The following GIN1 variants were observed in gnomAD, a reference collection of about 807,000 sequenced individuals.
GIN1 encodes the protein gypsy retrotransposon integrase-like protein 1.
GIN1 carries 41 observed loss-of-function variants against 51.4 expected under a neutral mutation model. The observed-to-expected ratio is 0.80, with a 90% confidence interval of 0.62 to 1.04. GIN1 has a LOEUF of 1.04. GIN1 is among the 50% of genes least tolerant of loss of function. The pLI is 0.00. For missense variants in GIN1, 610 were observed against 612.4 expected (o/e 1.00, Z 0.04); for synonymous variants, 222 against 206.5 (o/e 1.07, Z -0.64).
rs1554196872 is a variant in GIN1, at chr5:103,111,044, T to TAAAA, written c.-7-2331_-7-2330insTTTT. The stretch of plus-strand genomic sequence containing the variant: ...CACTCTCTCCTCTGCCAGGACTCCA[T>TAAAA]GGCAAACTTTTACTTCCTAATCAAT... On this transcript the variant is annotated intron_variant, in intron 1 of 7. Coordinates refer to ENST00000399004, the MANE Select transcript of GIN1 (RefSeq NM_017676.2). 1.6e-3 allele frequency among the ~76,000 whole-genome samples: 251 copies of TAAAA among 152,290 alleles called. 1 individual carries two copies. The highest frequency in any genetic ancestry group is 5.8e-3 in the African/African-American group (240 of 41,564).
At chr5:103,109,911 A>G (rs1169469590) in intron 1 of GIN1, among the ~76,000 whole-genome samples, 1 of 152,166 alleles carries the variant, frequency 6.6e-6, no homozygotes, top group Non-Finnish European at 1.5e-5. Flanking sequence ...CTGTAATTGA[A>G]CAAGGAGTAC....
intron 7 of GIN1, among the ~76,000 whole-genome samples, chr5:103,090,786 C>T (rs920662231): frequency 2.6e-5 from 4 of 152,170 alleles, no homozygotes; most frequent in Admixed American, 1.3e-4. Flanking sequence ...GAAATGGATT[C>T]AGAGACCTTG....
At chr5:103,098,548 A>T (rs1554195411) in intron 4 of GIN1, among the ~76,000 whole-genome samples, 10 of 152,002 alleles carry the variant, frequency 6.6e-5, no homozygotes. Flanking sequence ...AGCCTGCACT[A>T]CCTGGGTTCA....
chr5:103,101,503 T>C (rs1050726259), intron 4 of GIN1, among the ~76,000 whole-genome samples: 2 of 152,240 alleles, frequency 1.3e-5, no homozygotes, highest in African/African-American at 4.8e-5. Flanking sequence ...ATTCATCTCA[T>C]TGATGTGTCT....
Position 103,096,817 on chromosome 5 carries a change from T to G in GIN1, c.1018A>C (p.Asn340His). Residue 340 changes from asparagine (N) to histidine (H), a missense_variant, in exon 7 of 8, where the codon AAC becomes CAC. By Grantham distance (68) the Asn-to-His change is moderately conservative (BLOSUM62 1). Transcript: ENST00000399004. ...CTTTTATTTAGTTCATCCAAATTGTTGTTCTCCATCTACAAGTGTAAAAAG... is the reference window on the plus strand; with the variant it reads ...CTTTTATTTAGTTCATCCAAATTGTGGTTCTCCATCTACAAGTGTAAAAAG... ...KTTSLGQMEN[N>H]NLDELNKSKI... 2 of 1,586,032 alleles carry G rather than the reference T, an allele frequency of 1.3e-6. No individual in the cohort carries two copies. The highest frequency in any genetic ancestry group is 8.6e-7 in the Non-Finnish European group (1 of 1,156,238).
In GIN1 at chr5:103,097,635, A is replaced by T. The variant is rs782259917; in HGVS notation, c.786T>A (p.Asp262Glu). 6.2e-7 allele frequency: 1 copy of T among 1,612,420 alleles called. No individual in the cohort carries two copies. The highest frequency in any genetic ancestry group is 8.5e-7 in the Non-Finnish European group (1 of 1,178,596). ...CAAATGAAACAGCTGATAGGTGATC[A>T]TCCCAATTGTTTGGGTGGTCAGCAC... ...KHCADHPNNW[D>E]DHLSAVSFAF... The change falls in exon 5 of 8, where the codon GAT (aspartate) becomes GAA (glutamate). Residue 262 changes from aspartate (D) to glutamate (E), a missense_variant. Asp to Glu is a conservative substitution (Grantham distance 45). Coordinates refer to ENST00000399004, the MANE Select transcript of GIN1 (RefSeq NM_017676.2).
intron 7 of GIN1, among the ~76,000 whole-genome samples, chr5:103,092,779 C>G (rs975330337): frequency 1.3e-5 from 2 of 151,318 alleles, no homozygotes; most frequent in Non-Finnish European, 2.9e-5. Flanking sequence ...GACCCTGTCT[C>G]TATAAAAAAC....
chr5:103,106,815 A>C lies in GIN1; in HGVS notation c.234T>G (p.His78Gln), dbSNP rs1554196329. 6.2e-7 allele frequency: 1 copy of C among 1,603,636 alleles called. No homozygotes were observed. Among genetic ancestry groups the C allele is most frequent in the Admixed American group, 1.7e-5 (1 of 59,250 alleles). Reference protein sequence around the residue: ...EEKKKVLRECHENDSGAHHGI... With the variant: ...EEKKKVLRECQENDSGAHHGI... ...CATGATGAGCTCCACTGTCATTTTC[A>C]TGGCATTCTCTTAAGACTTTCTTTT... is the stretch of plus-strand genomic sequence containing the variant. The change falls in exon 3 of 8, where the codon CAT becomes CAG. Residue 78 changes from histidine (H) to glutamine (Q), a missense_variant. By Grantham distance (24) the His-to-Gln change is conservative (BLOSUM62 0). Coordinates refer to ENST00000399004, the MANE Select transcript of GIN1 (RefSeq NM_017676.2).
At position 103,104,557 on chromosome 5, in the gene GIN1, T is replaced by A; in HGVS notation, c.623A>T (p.Asp208Val). The A allele has an allele frequency of 6.6e-7, 1 of 1,513,952 alleles. No individual in the cohort carries two copies. Among genetic ancestry groups the A allele is most frequent in the Non-Finnish European group, 9.1e-7 (1 of 1,094,166 alleles). The allele number at this position is 1,513,952 out of a possible 1,614,324, so 93.8% of individuals were successfully genotyped here. A position where few individuals can be genotyped will look rare whatever the true frequency, so the allele number is the denominator to read the frequency against. ...TTGTCTTACCTGTTGAATGAATTCA[T>A]CTCTTTGGTCCATTATTATTTTCTG... ...PPQKIIMDQR[D>V]EFIQQINIEL... is the part of the protein sequence containing the mutation. Residue 208 changes from aspartate to valine, a missense_variant, in exon 4 of 8, where the codon GAT becomes GTT. Coordinates refer to ENST00000399004, the MANE Select transcript of GIN1 (RefSeq NM_017676.2).
Position 103,086,113 on chromosome 5 carries a change from C to T in GIN1, c.*1785G>A, listed in dbSNP as rs1377038890. 2.0e-5 allele frequency: 3 copies of T among 152,142 alleles called. No individual in the cohort carries two copies. The highest frequency in any genetic ancestry group is 4.4e-5 in the Non-Finnish European group (3 of 68,032). 9.4% of individuals were successfully genotyped at this position (152,142 alleles called of 1,614,324 possible). A position where few individuals can be genotyped will look rare whatever the true frequency, so the allele number is the denominator to read the frequency against. Reference sequence around the variant, plus strand: ...GAGGAAAAATGTATTCAATGCCTCTCCCCTAACTTCTGGTAGTTTTCTGGC... The same window carrying T: ...GAGGAAAAATGTATTCAATGCCTCTTCCCTAACTTCTGGTAGTTTTCTGGC... On this transcript the variant is annotated 3_prime_UTR_variant, in exon 8 of 8. Coordinates refer to ENST00000399004, the MANE Select transcript of GIN1 (RefSeq NM_017676.2).
chr5:103,087,272 G>T lies in GIN1; in HGVS notation c.*626C>A, dbSNP rs550154720. 1 of 152,228 alleles carries T rather than the reference G, an allele frequency of 6.6e-6. No individual in the cohort carries two copies. The highest frequency in any genetic ancestry group is 1.9e-4 in the East Asian group (1 of 5,170). 9.4% of individuals were successfully genotyped at this position (152,228 alleles called of 1,614,324 possible). ...ATTACAGGTGTGGGCCACCATGCCTGGTCGATGGTTTTATCTTTAATATAT... is the reference window on the plus strand; with the variant it reads ...ATTACAGGTGTGGGCCACCATGCCTTGTCGATGGTTTTATCTTTAATATAT... On this transcript the variant is annotated 3_prime_UTR_variant, in exon 8 of 8. Coordinates refer to ENST00000399004, the MANE Select transcript of GIN1 (RefSeq NM_017676.2).
At position 103,088,060 on chromosome 5, in the gene GIN1, A is replaced by G; in HGVS notation, c.1407T>C (p.Ile469=). Residue 469 remains isoleucine (I), a synonymous_variant, in exon 8 of 8, where the codon ATT becomes ATC. Transcript: ENST00000399004. ...TCAGTAATTCATTATCGACTATACC[A>G]ATAGTTGCATCTTCCACCAGAATAT... ...QANILVEDAT[I]GIVDNELLTS... is the part of the protein sequence containing the mutation. 6.2e-7 allele frequency: 1 copy of G among 1,609,692 alleles called. No individual in the cohort carries two copies. The highest frequency in any genetic ancestry group is 8.5e-7 in the Non-Finnish European group (1 of 1,176,168).
At position 103,106,792 on chromosome 5, in the gene GIN1, T is replaced by C. The variant is rs782071171; in HGVS notation, c.257A>G (p.His86Arg). 1.9e-6 allele frequency: 3 copies of C among 1,605,856 alleles called. No individual in the cohort carries two copies. Among genetic ancestry groups the C allele is most frequent in the African/African-American group, 1.3e-5 (1 of 74,596 alleles). The change falls in exon 3 of 8, where the codon CAT (histidine) becomes CGT (arginine). Residue 86 changes from histidine to arginine, a missense_variant. Physicochemically the swap from His to Arg is conservative, Grantham distance 29. Coordinates refer to ENST00000399004, the MANE Select transcript of GIN1 (RefSeq NM_017676.2). ...ECHENDSGAH[H>R]GISRTLTLVE... ...CAGAGTGAGGGTCCTGGATATACCATGATGAGCTCCACTGTCATTTTCATG... is the reference window on the plus strand; with the variant it reads ...CAGAGTGAGGGTCCTGGATATACCACGATGAGCTCCACTGTCATTTTCATG...
intron 7 of GIN1, among the ~76,000 whole-genome samples, chr5:103,092,167 T>C (rs981188388): frequency 1.3e-5 from 2 of 152,018 alleles, no homozygotes; most frequent in African/African-American, 4.8e-5. Flanking sequence ...AAGGTGCGTA[T>C]CACCATGCCC....
In GIN1 at chr5:103,088,175, G is replaced by GA; in HGVS notation, c.1295-4dup. 6.9e-7 allele frequency: 1 copy of GA among 1,449,774 alleles called. No homozygotes were observed. Among genetic ancestry groups the GA allele is most frequent in the Non-Finnish European group, 9.2e-7 (1 of 1,086,000 alleles). The allele number at this position is 1,449,774 out of a possible 1,614,324, so 89.8% of individuals were successfully genotyped here. A position where few individuals can be genotyped will look rare whatever the true frequency, so the allele number is the denominator to read the frequency against. Reference sequence around the variant, plus strand: ...ACCTTGCAAGAGATAAAGACTTTCTGAAAAAAGAAAAATCATACATTTGAC... The same window carrying GA: ...ACCTTGCAAGAGATAAAGACTTTCTGAAAAAAAGAAAAATCATACATTTGAC... On this transcript the variant is annotated splice_region_variant and splice_polypyrimidine_tract_variant and intron_variant, in intron 7 of 7. Transcript: ENST00000399004.
intron 1 of GIN1, 88 bp downstream of exon 1, chr5:103,119,975 CG>C (rs1788363665): frequency 6.5e-6 from 1 of 153,926 alleles, no homozygotes; most frequent in South Asian, 1.8e-4. Flanking sequence ...TTAGGCCGGT[CG>C]AGGCGAATGG....
At chr5:103,106,459 CAAT>C in intron 3 of GIN1, 1 of 288,794 alleles carries the variant, frequency 3.5e-6, no homozygotes, top group Non-Finnish European at 6.3e-6. Flanking sequence ...CAAAAAAGTT[CAAT>C]GATACAAATC....
At chr5:103,106,630 ACC>A in intron 3 of GIN1, 84 bp downstream of exon 3, 2 of 769,762 alleles carry the variant, frequency 2.6e-6, no homozygotes, top group Non-Finnish European at 4.1e-6. Flanking sequence ...GAGAGGTGAT[ACC>A]CAGAATAAAT....
chr5:103,088,454 C>A (rs537319625), intron 7 of GIN1, among the ~76,000 whole-genome samples: 1 of 151,952 alleles, frequency 6.6e-6, no homozygotes, highest in Admixed American at 6.6e-5. Flanking sequence ...TGTATATATG[C>A]GGACAACGGG....
Sources: gnomAD v4.1 joint callset for allele counts (sites outside exome capture counted in the v4.1 genomes callset) on GRCh38, gnomAD v4.1.1 for gene constraint, MANE v1.5 for transcripts, NCBI Gene and HGNC (gene_info 2026-07-23, HGNC 2026-07-21) for gene names.